Variants in PGLYRP2 observed in about 807,000 individuals in gnomAD.
The protein encoded by PGLYRP2 is peptidoglycan recognition protein 2.
Under a neutral mutation model 46.2 loss-of-function variants are expected in PGLYRP2, and 38 were observed. The observed-to-expected ratio is 0.82, with a 90% CI of 0.64 to 1.08. The LOEUF (loss-of-function observed/expected upper bound fraction) is 1.08, where lower values mean the gene tolerates loss of function less well. PGLYRP2 is among the 50% of genes least tolerant of loss of function. The pLI is 0.00. For missense variants in PGLYRP2, 713 were observed against 755.9 expected (o/e 0.94, Z 0.67); for synonymous variants, 289 against 329.4 (o/e 0.88, Z 1.33).
chr19:15,479,084 C>G (rs1278048359), intron 1 of PGLYRP2, among the ~76,000 whole-genome samples: 1 of 152,192 alleles, frequency 6.6e-6, no homozygotes, highest in African/African-American at 2.4e-5. Flanking sequence ...TCTTATGTCT[C>G]CTCCTCCAAG....
chr19:15,469,141 G>A lies in PGLYRP2; in HGVS notation c.1642-389C>T. Reference sequence around the variant, plus strand: ...GCAACACAGGATTAAGGACTGGACAGAGGTTGTGAAGGCAAAAGGTCACAG... The same window carrying A: ...GCAACACAGGATTAAGGACTGGACAAAGGTTGTGAAGGCAAAAGGTCACAG... On this transcript the variant is annotated intron_variant, in intron 4 of 4. Transcript: ENST00000340880. The surrounding 1 kb of genome is among the most constrained non-coding windows in gnomAD (Gnocchi z 4.9). 3.5e-6 allele frequency: 2 copies of A among 566,322 alleles called. No homozygotes were observed. The highest frequency in any genetic ancestry group is 2.3e-5 in the South Asian group (1 of 42,896). The allele number at this position is 566,322 out of a possible 1,614,324, so 35.1% of individuals were successfully genotyped here. A position where few individuals can be genotyped will look rare whatever the true frequency, so the allele number is the denominator to read the frequency against.
chr19:15,471,483 T>A (rs1970748535), intron 3 of PGLYRP2, among the ~76,000 whole-genome samples: 1 of 145,876 alleles, frequency 6.9e-6, no homozygotes, highest in East Asian at 2.1e-4. Context: ...CTCAGGCTGG[T>A]CTCGAACTCC....
intron 2 of PGLYRP2, among the ~76,000 whole-genome samples, chr19:15,474,884 GGCT>G (rs1362141012): frequency 1.3e-5 from 2 of 152,022 alleles, no homozygotes; most frequent in African/African-American, 4.8e-5. Flanking sequence ...CTACTCAGGA[GGCT>G]GAGACAGGAG....
rs758798854 is a variant in PGLYRP2, at chr19:15,476,565, AGCCAGG to A, written c.99_104del (p.Leu34_Ala35del). 2 of 1,612,460 alleles carry A rather than the reference AGCCAGG, an allele frequency of 1.2e-6. 1 individual carries two copies. The highest frequency in any genetic ancestry group is 2.2e-5 in the South Asian group (2 of 90,808). On this transcript the variant is annotated inframe_deletion, in exon 2 of 5. Transcript: ENST00000340880. Reference sequence around the variant, plus strand: ...CAGCTGGCACTTTCTGCTCCAGCTCAGCCAGGGCCTGGATGACAGAGTCCATGAGCA... The same window carrying A: ...CAGCTGGCACTTTCTGCTCCAGCTCAGCCTGGATGACAGAGTCCATGAGCA...
At chr19:15,470,033 C>A (rs901097239) in intron 3 of PGLYRP2, 104 bp from the exon 4 acceptor site, 2 of 1,216,096 alleles carry the variant, frequency 1.6e-6, no homozygotes, top group Middle Eastern at 3.0e-4. Context: ...GCCACCGACC[C>A]CAAGACCCGC....
At chr19:15,472,235 T>C (rs1318416228) in intron 2 of PGLYRP2, 135 bp from the exon 3 acceptor site, 3 of 679,592 alleles carry the variant, frequency 4.4e-6, no homozygotes, top group Non-Finnish European at 7.4e-6. Context: ...CACCCCACAT[T>C]GGTCCTCCCT....
chr19:15,470,666 C>CG (rs1970740016), intron 3 of PGLYRP2, among the ~76,000 whole-genome samples: 1 of 146,116 alleles, frequency 6.8e-6, no homozygotes, highest in South Asian at 2.2e-4. Flanking sequence ...CTTTTGGAGA[C>CG]GGAGTTTCGC....
In PGLYRP2 at chr19:15,479,482, G is replaced by A; in HGVS notation, c.-111C>T. 9.0e-7 allele frequency: 1 copy of A among 1,110,518 alleles called. No homozygotes were observed. Among genetic ancestry groups the A allele is most frequent in the Non-Finnish European group, 1.3e-6 (1 of 746,828 alleles). The allele number at this position is 1,110,518 out of a possible 1,614,324, so 68.8% of individuals were successfully genotyped here. On this transcript the variant is annotated 5_prime_UTR_variant, in exon 1 of 5. Transcript: ENST00000340880. ...GAACTGAGCAGAGCCTTTGACCACT[G>A]TCAAAGTCCAGCGGCGAATGACAGA...
Position 15,469,825 on chromosome 19 carries a change from A to G in PGLYRP2, c.1448T>C (p.Val483Ala). 6.5e-7 allele frequency: 1 copy of G among 1,528,474 alleles called. No homozygotes were observed. The allele number at this position is 1,528,474 out of a possible 1,614,324, so 94.7% of individuals were successfully genotyped here. ...GGGCAGCGCCGCGGTGTAGTTGCCCACTATGGCCACGCCGAAGCCCCGGGA... is the reference window on the plus strand; with the variant it reads ...GGGCAGCGCCGCGGTGTAGTTGCCCGCTATGGCCACGCCGAAGCCCCGGGA... ...HNSRGFGVAI[V>A]GNYTAALPTE... Residue 483 changes from valine to alanine, a missense_variant, in exon 4 of 5, where the codon GTG becomes GCG. Transcript: ENST00000340880. The surrounding 1 kb of genome is among the most constrained non-coding windows in gnomAD (Gnocchi z 4.9).
intron 3 of PGLYRP2, among the ~76,000 whole-genome samples, chr19:15,470,725 A>C (rs1272573068): frequency 6.7e-6 from 1 of 148,924 alleles, no homozygotes; most frequent in African/African-American, 2.5e-5. Context: ...GCTCACTGCA[A>C]CCTCCGCTTC....
In PGLYRP2 at chr19:15,469,395, C is replaced by A; in HGVS notation, c.1641+237G>T. On this transcript the variant is annotated intron_variant, in intron 4 of 4. Coordinates refer to ENST00000340880, the MANE Select transcript of PGLYRP2 (RefSeq NM_052890.4). The surrounding 1 kb of genome is among the most constrained non-coding windows in gnomAD (Gnocchi z 4.9). ...AGGAGCTGGGGAAAGGACAGGCTGGCTGGGTCTGGGGCTGAGCTGAGGCTG... is the reference window on the plus strand; with the variant it reads ...AGGAGCTGGGGAAAGGACAGGCTGGATGGGTCTGGGGCTGAGCTGAGGCTG... 1 of 717,966 alleles carries A rather than the reference C, an allele frequency of 1.4e-6. No homozygotes were observed. The highest frequency in any genetic ancestry group is 1.5e-5 in the South Asian group (1 of 67,392). 44.5% of individuals were successfully genotyped at this position (717,966 alleles called of 1,614,324 possible). A position where few individuals can be genotyped will look rare whatever the true frequency, so the allele number is the denominator to read the frequency against.
chr19:15,469,688 C>A lies in PGLYRP2; in HGVS notation c.1585G>T (p.Asp529Tyr). The change falls in exon 4 of 5, where the codon GAC becomes TAC. Residue 529 changes from aspartate to tyrosine, a missense_variant. Coordinates refer to ENST00000340880, the MANE Select transcript of PGLYRP2 (RefSeq NM_052890.4). This position sits in a 1 kb window ranked among gnomAD's most constrained non-coding sequence, Gnocchi z 4.9. ...LLGHRQLVRT[D>Y]CPGDALFDLL... ...TCGAAGAGCGCGTCGCCGGGGCAGT[C>A]GGTGCGCACCAGCTGGCGGTGGCCC... 1.3e-6 allele frequency: 2 copies of A among 1,527,164 alleles called. No individual in the cohort carries two copies. Among genetic ancestry groups the A allele is most frequent in the South Asian group, 1.3e-5 (1 of 79,644 alleles). The allele number at this position is 1,527,164 out of a possible 1,614,324, so 94.6% of individuals were successfully genotyped here.
intron 1 of PGLYRP2, among the ~76,000 whole-genome samples, chr19:15,478,895 T>A (rs1002017215): frequency 1.3e-5 from 2 of 152,136 alleles, no homozygotes; most frequent in African/African-American, 2.4e-5. Context: ...GTGCTGGGAT[T>A]ACAGGCCTGG....
intron 2 of PGLYRP2, 119 bp downstream of exon 2, chr19:15,475,419 G>C: frequency 3.0e-5 from 26 of 871,684 alleles, no homozygotes; most frequent in Non-Finnish European, 2.6e-5. Flanking sequence ...ACCCACCCCC[G>C]ACCAGATCCC....
In PGLYRP2 at chr19:15,469,366, T is replaced by G; in HGVS notation, c.1641+266A>C. 1 of 688,196 alleles carries G rather than the reference T, an allele frequency of 1.5e-6. No homozygotes were observed. The highest frequency in any genetic ancestry group is 2.6e-6 in the Non-Finnish European group (1 of 377,570). 42.6% of individuals were successfully genotyped at this position (688,196 alleles called of 1,614,324 possible). A position where few individuals can be genotyped will look rare whatever the true frequency, so the allele number is the denominator to read the frequency against. ...CATGCCTTGGCTGGAAAGGTAGAGG[T>G]ATTAGGAGCTGGGGAAAGGACAGGC... On this transcript the variant is annotated intron_variant, in intron 4 of 4. Coordinates refer to ENST00000340880, the MANE Select transcript of PGLYRP2 (RefSeq NM_052890.4). This position sits in a 1 kb window ranked among gnomAD's most constrained non-coding sequence, Gnocchi z 4.9.
chr19:15,473,172 A>G (rs897247764), intron 2 of PGLYRP2, among the ~76,000 whole-genome samples: 1 of 152,126 alleles, frequency 6.6e-6, no homozygotes, highest in African/African-American at 2.4e-5. Context: ...CTTACCATAT[A>G]CAAAAATTAA....
chr19:15,471,808 G>T, intron 3 of PGLYRP2, 82 bp downstream of exon 3: 1 of 1,459,894 alleles, frequency 6.8e-7, no homozygotes, highest in Admixed American at 2.2e-5. Context: ...GTTCAAGCCC[G>T]GTCCCCTGCA....
chr19:15,468,984 A>C, intron 4 of PGLYRP2: 1 of 506,422 alleles, frequency 2.0e-6, no homozygotes, highest in Non-Finnish European at 3.5e-6. Flanking sequence ...AAATTGTTTT[A>C]GTGATGGCGA....
rs1021814451 is a variant in PGLYRP2, at chr19:15,468,692, T to C, written c.1702A>G (p.Arg568Gly). Residue 568 changes from arginine (R) to glycine (G), a missense_variant, in exon 5 of 5, where the codon AGG becomes GGG. Coordinates refer to ENST00000340880, the MANE Select transcript of PGLYRP2 (RefSeq NM_052890.4). ...TGGAGGTCTGTGGCTGGCAGGGTCC[T>C]TGGGGGTGGCTCCCTCCTGGATCTC... ...SKRSRREPPPRTLPATDLQ is the reference protein window; with the variant it reads ...SKRSRREPPPGTLPATDLQ 4 of 1,613,090 alleles carry C rather than the reference T, an allele frequency of 2.5e-6. No individual in the cohort carries two copies. Among genetic ancestry groups the C allele is most frequent in the Non-Finnish European group, 3.4e-6 (4 of 1,179,582 alleles).
Sources: gnomAD v4.1 joint callset for allele counts (sites outside exome capture counted in the v4.1 genomes callset) on GRCh38, gnomAD v4.1.1 for gene constraint, Gnocchi (gnomAD v3.1) non-coding constraint, MANE v1.5 for transcripts, NCBI Gene and HGNC (gene_info 2026-07-23, HGNC 2026-07-21) for gene names.